Variants in AGBL1 observed in about 807,000 individuals in gnomAD.
AGBL1 encodes cytosolic carboxypeptidase 4.
In AGBL1, 130 loss-of-function variants were observed where a neutral mutation model predicts 118.9. The ratio of observed to expected loss-of-function variants is 1.09; its 90% CI spans 0.95 to 1.26. The LOEUF is 1.26. Ranked by LOEUF, AGBL1 falls within the 50% of genes most tolerant of loss-of-function variation. AGBL1 has a pLI of 0.00. For missense variants in AGBL1, 1,584 were observed against 1,298.1 expected, an observed-to-expected ratio of 1.22 and a Z score of -3.38; for synonymous variants, 555 against 478.9, an observed-to-expected ratio of 1.16 and a Z score of -2.08.
intron 22 of AGBL1, among the ~76,000 whole-genome samples, chr15:86,698,040 A>G (rs1193252903): frequency 1.3e-5 from 2 of 152,016 alleles, no homozygotes; most frequent in African/African-American, 4.8e-5. Context: ...AAAGTTCACA[A>G]TGTGAGTCTC....
intron 22 of AGBL1, among the ~76,000 whole-genome samples, chr15:86,847,609 GC>G (rs1394075335): frequency 2.0e-5 from 3 of 152,128 alleles, no homozygotes; most frequent in Non-Finnish European, 4.4e-5. Context: ...TTGAGAGGTT[GC>G]ACTCAACCTC....
intron 21 of AGBL1, among the ~76,000 whole-genome samples, chr15:86,578,319 A>G (rs1225325932): frequency 2.6e-5 from 4 of 152,086 alleles, no homozygotes; most frequent in Non-Finnish European, 5.9e-5. Context: ...ATTTTGGCCA[A>G]TTTCTCCCAT....
intron 5 of AGBL1, among the ~76,000 whole-genome samples, chr15:86,178,038 G>A (rs905185515): frequency 1.3e-5 from 2 of 152,304 alleles, no homozygotes; most frequent in South Asian, 2.1e-4. Context: ...TCCAGGCTGG[G>A]CATGGTGGTT....
intron 22 of AGBL1, among the ~76,000 whole-genome samples, chr15:86,812,772 C>T (rs2078808243): frequency 6.6e-6 from 1 of 152,150 alleles, no homozygotes; most frequent in South Asian, 2.1e-4. Context: ...AATCACCACC[C>T]ATGTTATATT....
intron 18 of AGBL1, among the ~76,000 whole-genome samples, chr15:86,500,008 G>T (rs1185427914): frequency 2.0e-5 from 3 of 152,002 alleles, no homozygotes; most frequent in African/African-American, 7.2e-5. Flanking sequence ...GAAAGAGCTT[G>T]TCAGTTGCCA....
intron 22 of AGBL1, among the ~76,000 whole-genome samples, chr15:86,735,560 T>C (rs2077580112): frequency 6.6e-6 from 1 of 151,968 alleles, no homozygotes; most frequent in African/African-American, 2.4e-5. Context: ...TTGCACATTT[T>C]ACTACTACCT....
At chr15:86,556,214 A>G (rs571718900) in intron 21 of AGBL1, 210 of 1,610,332 alleles carry the variant, frequency 1.3e-4, no homozygotes, top group Non-Finnish European at 1.2e-4. Context: ...CCAACTCTCT[A>G]CTGTGCAGTG....
chr15:86,689,259 C>T (rs1238134377), intron 22 of AGBL1, among the ~76,000 whole-genome samples: 1 of 152,096 alleles, frequency 6.6e-6, no homozygotes, highest in Non-Finnish European at 1.5e-5. Context: ...ATGTCATAAT[C>T]TCAGCTTAAA....
At chr15:86,811,950 C>T (rs142590894) in intron 22 of AGBL1, among the ~76,000 whole-genome samples, 164 of 152,292 alleles carry the variant, frequency 1.1e-3, no homozygotes, top group African/African-American at 3.8e-3. Flanking sequence ...GTTTCTTCAA[C>T]TCTGAAAAGC....
At position 87,028,054 on chromosome 15, in the gene AGBL1, A is replaced by T. The variant is rs138221965; in HGVS notation, c.3324-771A>T. ...ACTGAACTTAAAAGTGGAAGAAAAA[A>T]ATATATATATATATAAATGTATGGC... is the stretch of plus-strand genomic sequence containing the variant. On this transcript the variant is annotated intron_variant, in intron 24 of 24. Transcript: ENST00000441037. 1.7e-3 allele frequency among the ~76,000 whole-genome samples: 264 copies of T among 150,988 alleles called. 1 individual carries two copies. Among genetic ancestry groups the T allele is most frequent in the East Asian group, 4.3e-3 (22 of 5,120 alleles).
At chr15:86,724,526 CA>C (rs1465701294) in intron 22 of AGBL1, among the ~76,000 whole-genome samples, 2 of 152,020 alleles carry the variant, frequency 1.3e-5, no homozygotes, top group African/African-American at 4.8e-5. Context: ...ATCACAGCAG[CA>C]GGGGGCAAGG....
At chr15:86,088,520 TTA>T (rs2141455892) in intron 1 of AGBL1, among the ~76,000 whole-genome samples, 1 of 152,266 alleles carries the variant, frequency 6.6e-6, no homozygotes, top group African/African-American at 2.4e-5. Context: ...TCATCAGCAT[TTA>T]TGTGTGATGG....
intron 5 of AGBL1, among the ~76,000 whole-genome samples, chr15:86,216,143 T>A (rs1335806004): frequency 6.6e-6 from 1 of 152,208 alleles, no homozygotes; most frequent in Non-Finnish European, 1.5e-5. Flanking sequence ...TTTTAATAGT[T>A]TTTAGTGACT....
intron 22 of AGBL1, among the ~76,000 whole-genome samples, chr15:86,698,262 A>G (rs2086296682): frequency 1.3e-5 from 2 of 152,022 alleles, no homozygotes; most frequent in South Asian, 2.1e-4. Context: ...CAGAAAACTG[A>G]TGAACAGACC....
At chr15:86,420,268 G>A (rs1317091249) in intron 18 of AGBL1, among the ~76,000 whole-genome samples, 2 of 152,134 alleles carry the variant, frequency 1.3e-5, no homozygotes, top group Non-Finnish European at 2.9e-5. Context: ...CCAGAGGAAG[G>A]AACAGGCAGC....
intron 22 of AGBL1, among the ~76,000 whole-genome samples, chr15:86,722,668 A>C (rs1367624261): frequency 7.9e-5 from 12 of 152,212 alleles, no homozygotes; most frequent in Non-Finnish European, 1.3e-4. Flanking sequence ...GGATCTAATT[A>C]AACTAAAGAG....
At chr15:86,582,103 C>T (rs1276658366) in intron 21 of AGBL1, among the ~76,000 whole-genome samples, 1 of 152,082 alleles carries the variant, frequency 6.6e-6, no homozygotes, top group African/African-American at 2.4e-5. Flanking sequence ...AGGTAACACC[C>T]CTGTAGTTAT....
chr15:86,834,289 A>G (rs1006522734), intron 22 of AGBL1, among the ~76,000 whole-genome samples: 4 of 152,180 alleles, frequency 2.6e-5, no homozygotes, highest in South Asian at 2.1e-4. Flanking sequence ...GAGTCACTCC[A>G]TCAGGCAAGC....
chr15:86,485,347 C>G (rs1417274782), intron 18 of AGBL1, among the ~76,000 whole-genome samples: 1 of 152,158 alleles, frequency 6.6e-6, no homozygotes, highest in African/African-American at 2.4e-5. Context: ...CCAATACCAG[C>G]AGAGTTCCAC....
Sources: allele counts gnomAD v4.1 joint callset (sites outside exome capture counted in the v4.1 genomes callset), GRCh38; gene constraint gnomAD v4.1.1; transcripts MANE v1.5; gene names NCBI Gene and HGNC (gene_info 2026-07-23, HGNC 2026-07-21).